Variants in AGBL4 observed in about 807,000 individuals in gnomAD.
AGBL4 encodes cytosolic carboxypeptidase 6.
Under a neutral mutation model 66.4 loss-of-function variants are expected in AGBL4, and 58 were observed. The ratio of observed to expected loss-of-function variants is 0.87; its 90% CI spans 0.71 to 1.09. AGBL4 has a LOEUF of 1.09. AGBL4 is among the 50% of genes least tolerant of loss of function. The pLI, the probability that AGBL4 is intolerant of heterozygous loss-of-function variation, is 0.00. For missense variants in AGBL4, 579 were observed against 631.0 expected, an observed-to-expected ratio of 0.92 and a Z score of 0.88; for synonymous variants, 234 against 222.9, an observed-to-expected ratio of 1.05 and a Z score of -0.44.
At chr1:48,650,746 C>T (rs1220071037) in intron 8 of AGBL4, among the ~76,000 whole-genome samples, 1 of 152,156 alleles carries the variant, frequency 6.6e-6, no homozygotes, top group African/African-American at 2.4e-5. Flanking sequence ...GAAACCATAA[C>T]ACTGGTTACA....
intron 3 of AGBL4, among the ~76,000 whole-genome samples, chr1:49,279,563 C>T (rs1232554501): frequency 1.3e-5 from 2 of 151,336 alleles, no homozygotes; most frequent in Admixed American, 6.6e-5. Flanking sequence ...AAAGAAGACC[C>T]GTCTTTTTTT....
chr1:48,729,849 G>A (rs2148551466), intron 6 of AGBL4, among the ~76,000 whole-genome samples: 1 of 151,942 alleles, frequency 6.6e-6, no homozygotes, highest in South Asian at 2.1e-4. Context: ...CTATTCCCAA[G>A]CCTGACTAAT....
intron 5 of AGBL4, among the ~76,000 whole-genome samples, chr1:48,871,576 C>T (rs1423844869): frequency 2.0e-5 from 3 of 151,924 alleles, no homozygotes; most frequent in African/African-American, 7.3e-5. Flanking sequence ...GTGTATGACC[C>T]CTGCATCCAG....
At chr1:48,974,252 G>A (rs1659144000) in intron 5 of AGBL4, among the ~76,000 whole-genome samples, 1 of 152,144 alleles carries the variant, frequency 6.6e-6, no homozygotes, top group Admixed American at 6.6e-5. Flanking sequence ...AGCCAAGTAT[G>A]CCTGTCAGAA....
chr1:48,564,554 T>C (rs955048405), intron 11 of AGBL4, among the ~76,000 whole-genome samples: 3 of 152,204 alleles, frequency 2.0e-5, no homozygotes, highest in African/African-American at 7.2e-5. Context: ...TCTATGCTTT[T>C]GTTTCCATAC....
intron 1 of AGBL4, among the ~76,000 whole-genome samples, chr1:49,944,058 A>G (rs1245755560): frequency 1.3e-5 from 2 of 152,002 alleles, no homozygotes; most frequent in South Asian, 2.1e-4. Context: ...CTGCCCAAGG[A>G]AAGTCTGAGC....
intron 2 of AGBL4, among the ~76,000 whole-genome samples, chr1:49,715,155 C>A (rs1209743357): frequency 6.6e-6 from 1 of 152,028 alleles, no homozygotes; most frequent in Non-Finnish European, 1.5e-5. Flanking sequence ...GTGATGTTCC[C>A]CTCCCTGTGT....
chr1:49,104,606 G>A (rs961696015), intron 4 of AGBL4, among the ~76,000 whole-genome samples: 1 of 151,962 alleles, frequency 6.6e-6, no homozygotes, highest in Non-Finnish European at 1.5e-5. Flanking sequence ...TGGCAGATCT[G>A]GGATTCTACT....
intron 4 of AGBL4, among the ~76,000 whole-genome samples, chr1:49,224,473 C>T (rs959360780): frequency 8.6e-5 from 13 of 151,824 alleles, no homozygotes; most frequent in Non-Finnish European, 1.8e-4. Flanking sequence ...AAAAATTAGC[C>T]GGGCATGGTG....
At chr1:49,835,988 T>G (rs1368523710) in intron 2 of AGBL4, among the ~76,000 whole-genome samples, 1 of 152,182 alleles carries the variant, frequency 6.6e-6, no homozygotes, top group Non-Finnish European at 1.5e-5. Context: ...TAACCCAACC[T>G]TTCTCTCTGG....
intron 4 of AGBL4, among the ~76,000 whole-genome samples, chr1:49,121,620 G>A (rs1250902441): frequency 6.6e-6 from 1 of 152,118 alleles, no homozygotes; most frequent in East Asian, 1.9e-4. Context: ...GGTGTCTGTC[G>A]GCCCCTACTG....
intron 3 of AGBL4, among the ~76,000 whole-genome samples, chr1:49,296,309 G>T (rs941237335): frequency 1.3e-5 from 2 of 152,128 alleles, no homozygotes; most frequent in African/African-American, 2.4e-5. Context: ...GTGGAACTAG[G>T]ATTCAACCTT....
chr1:49,611,124 G>A lies in AGBL4; in HGVS notation c.282+86189C>T, dbSNP rs777093107. The stretch of plus-strand genomic sequence containing the variant: ...CCAAAACCTGGAGAATGTAAATGTC[G>A]CTTTAAGAGAAAAGAAATAAAAATC... On this transcript the variant is annotated intron_variant, in intron 3 of 13. Transcript: ENST00000371839. Among the ~76,000 whole-genome samples the A allele has an allele frequency of 1.6e-4, 24 of 152,122 alleles. No individual in the cohort carries two copies. The South Asian group carries it at 1.9e-3, about 12-fold the overall frequency.
chr1:48,988,955 A>T (rs1446863668), intron 5 of AGBL4, among the ~76,000 whole-genome samples: 3 of 152,166 alleles, frequency 2.0e-5, no homozygotes, highest in Non-Finnish European at 2.9e-5. Context: ...TGACAAAAAA[A>T]GGTGGGGCTA....
At chr1:49,036,768 C>A (rs1664698148) in intron 5 of AGBL4, among the ~76,000 whole-genome samples, 1 of 149,208 alleles carries the variant, frequency 6.7e-6, no homozygotes, top group Admixed American at 6.7e-5. Flanking sequence ...CCCTATATTG[C>A]CCAGGCTGGT....
chr1:49,477,792 G>A (rs1246787178), intron 3 of AGBL4, among the ~76,000 whole-genome samples: 1 of 151,592 alleles, frequency 6.6e-6, no homozygotes, highest in Non-Finnish European at 1.5e-5. Flanking sequence ...ACTGTTTTGA[G>A]GAAACTAAAA....
intron 1 of AGBL4, among the ~76,000 whole-genome samples, chr1:49,874,862 A>C (rs921844890): frequency 1.3e-5 from 2 of 151,916 alleles, no homozygotes; most frequent in Admixed American, 1.3e-4. Flanking sequence ...TTTAGGGTAC[A>C]TGTGCACAAT....
chr1:48,680,139 A>G (rs1017925582), intron 6 of AGBL4, among the ~76,000 whole-genome samples: 8 of 152,250 alleles, frequency 5.3e-5, no homozygotes, highest in South Asian at 2.1e-4. Flanking sequence ...GCACATCAAT[A>G]TAAAAATGAC....
At chr1:49,114,737 T>TC (rs141553926) in intron 4 of AGBL4, among the ~76,000 whole-genome samples, 6,579 of 152,200 alleles carry the variant, frequency 0.043, 168 homozygotes, top group East Asian at 0.074. Context: ...TATTGTTGTG[T>TC]CTCAGGGAAT....
Sources: gnomAD v4.1 joint callset for allele counts (sites outside exome capture counted in the v4.1 genomes callset) on GRCh38, gnomAD v4.1.1 for gene constraint, MANE v1.5 for transcripts, NCBI Gene and HGNC (gene_info 2026-07-23, HGNC 2026-07-21) for gene names.